ADGRG3: variants seen among roughly 807,000 people sequenced by gnomAD.
ADGRG3 encodes the protein G protein-coupled receptor 97.
In ADGRG3, 39 loss-of-function variants were observed where a neutral mutation model predicts 54.3. The observed-to-expected ratio is 0.72, with a 90% CI of 0.56 to 0.94. ADGRG3 has a LOEUF of 0.94. Ranked by LOEUF, ADGRG3 falls within the 40% of genes least tolerant of loss-of-function variation. ADGRG3 has a pLI of 0.00. For synonymous variants in ADGRG3, 312 were observed against 290.0 expected, an observed-to-expected ratio of 1.08 and a Z score of -0.77; for missense variants, 654 against 694.6, an observed-to-expected ratio of 0.94 and a Z score of 0.66.
At chr16:57,678,911 G>A (rs2048313098) in intron 4 of ADGRG3, 1 of 529,788 alleles carries the variant, frequency 1.9e-6, no homozygotes, top group South Asian at 2.3e-5. Context: ...CTAGTTAAGA[G>A]GGCAGAGGAG....
chr16:57,682,522 G>A (rs1276097451), intron 8 of ADGRG3: 5 of 985,398 alleles, frequency 5.1e-6, no homozygotes, highest in African/African-American at 3.5e-5. Context: ...CCAACAAGCC[G>A]AGTGTGACTT....
At chr16:57,675,991 A>T (rs1235087587) in intron 2 of ADGRG3, among the ~76,000 whole-genome samples, 1 of 152,260 alleles carries the variant, frequency 6.6e-6, no homozygotes, top group Non-Finnish European at 1.5e-5. Flanking sequence ...GCACAAAAAA[A>T]GACAAACACA....
chr16:57,688,641 C>T lies in ADGRG3; in HGVS notation c.*180C>T, dbSNP rs1162017189. ...GTCCCATCCAGATCCAACTATAGGT[C>T]CAAGAGTCCACGTAAGCAGGTTTGC... is the stretch of plus-strand genomic sequence containing the variant. On this transcript the variant is annotated 3_prime_UTR_variant, in exon 12 of 12. Coordinates refer to ENST00000333493, the MANE Select transcript of ADGRG3 (RefSeq NM_170776.5). 7 of 600,682 alleles carry T rather than the reference C, an allele frequency of 1.2e-5. No homozygotes were observed. In the African/African-American group the frequency reaches 1.3e-4, roughly 11 times the overall value. The allele number at this position is 600,682 out of a possible 1,614,324, so 37.2% of individuals were successfully genotyped here. A position where few individuals can be genotyped will look rare whatever the true frequency, so the allele number is the denominator to read the frequency against.
intron 4 of ADGRG3, 113 bp downstream of exon 4, chr16:57,678,429 T>C (rs2048302926): frequency 1.9e-6 from 2 of 1,054,642 alleles, no homozygotes; most frequent in Middle Eastern, 2.2e-4. Flanking sequence ...GAGCAGGCAG[T>C]GAGCCTCTTA....
intron 10 of ADGRG3, 63 bp from the exon 11 acceptor site, chr16:57,685,580 C>T (rs757403144): frequency 1.3e-5 from 19 of 1,518,660 alleles, no homozygotes; most frequent in Non-Finnish European, 1.7e-5. Flanking sequence ...AGCCAGGGGA[C>T]TTCCTGGGTT....
intron 2 of ADGRG3, 110 bp from the exon 3 acceptor site, chr16:57,676,090 C>G (rs2048257534): frequency 3.0e-6 from 3 of 1,001,288 alleles, no homozygotes. Context: ...GTCCTGATCC[C>G]AGGGTCTTTA....
intron 10 of ADGRG3, 70 bp from the exon 11 acceptor site, chr16:57,685,573 C>T (rs2048458091): frequency 6.8e-7 from 1 of 1,475,780 alleles, no homozygotes; most frequent in Admixed American, 1.7e-5. Context: ...AAAGCTCAGC[C>T]AGGGGACTTC....
At chr16:57,680,762 G>C in intron 8 of ADGRG3, 145 bp downstream of exon 8, 1 of 634,732 alleles carries the variant, frequency 1.6e-6, no homozygotes, top group South Asian at 1.8e-5. Context: ...GGGGTTGGGG[G>C]TTGAAATGTG....
rs1470005896 is a variant in ADGRG3 at position 57,680,477 on chromosome 16, G to A, written c.769-28G>A. 1.7e-5 allele frequency: 27 copies of A among 1,594,738 alleles called. No homozygotes were observed. In the African/African-American group the frequency reaches 2.7e-4, roughly 16 times the overall value. ...TATATGGGCCTGGCCTCCAACTGAC[G>A]TGGTCCCGGTTCTGGGGTCACCCAC... On this transcript the variant is annotated intron_variant, in intron 7 of 11. Transcript: ENST00000333493.
intron 6 of ADGRG3, among the ~76,000 whole-genome samples, 180 bp from the exon 7 acceptor site, chr16:57,680,085 C>T (rs1165251921): frequency 2.0e-5 from 2 of 98,310 alleles, no homozygotes; most frequent in Non-Finnish European, 4.3e-5. Context: ...TGTTCCCCTC[C>T]CCTCCCCTCC....
At position 57,688,418 on chromosome 16, in the gene ADGRG3, C is replaced by T; in HGVS notation, c.1607C>T (p.Ser536Phe). Reference sequence around the variant, plus strand: ...AGTCAGAGCACCACAGTCTCCTCCTCTACTGCAAGATTGGACCAGGCCCAC... The same window carrying T: ...AGTCAGAGCACCACAGTCTCCTCCTTTACTGCAAGATTGGACCAGGCCCAC... ...LPSQSTTVSSSTARLDQAHSA... is the reference protein window; with the variant it reads ...LPSQSTTVSSFTARLDQAHSA... Residue 536 changes from serine to phenylalanine, a missense_variant, in exon 12 of 12, where the codon TCT (serine) becomes TTT (phenylalanine). Coordinates refer to ENST00000333493, the MANE Select transcript of ADGRG3 (RefSeq NM_170776.5). 1 of 1,613,210 alleles carries T rather than the reference C, an allele frequency of 6.2e-7. No homozygotes were observed. Among genetic ancestry groups the T allele is most frequent in the Non-Finnish European group, 8.5e-7 (1 of 1,179,156 alleles).
In ADGRG3 at chr16:57,684,984, A is replaced by C. The variant is rs556201549; in HGVS notation, c.1256+501A>C. Among the ~76,000 whole-genome samples, 7 of 152,310 alleles carry C rather than the reference A, an allele frequency of 4.6e-5. No individual in the cohort carries two copies. The East Asian group carries it at 9.6e-4, about 21-fold the overall frequency. On this transcript the variant is annotated intron_variant, in intron 10 of 11. Coordinates refer to ENST00000333493, the MANE Select transcript of ADGRG3 (RefSeq NM_170776.5). ...GATCTTGGCAGGCCCGATCTCTCCCAGGGCCTCAGTCTCCTCATCTGCACC... is the reference window on the plus strand; with the variant it reads ...GATCTTGGCAGGCCCGATCTCTCCCCGGGCCTCAGTCTCCTCATCTGCACC...
In ADGRG3 at chr16:57,680,587, C is replaced by T; in HGVS notation, c.851C>T (p.Ala284Val). 6.2e-7 allele frequency: 1 copy of T among 1,613,306 alleles called. No homozygotes were observed. The highest frequency in any genetic ancestry group is 8.5e-7 in the Non-Finnish European group (1 of 1,179,322). ...TGTGGGGTCTCCATGATCTTCCTGG[C>T]CTTCACCATTATTCTTTATGCCTTT... ...AGCGVSMIFL[A>V]FTIILYAFLR... Residue 284 changes from alanine to valine, a missense_variant, in exon 8 of 12, where the codon GCC (alanine) becomes GTC (valine). Coordinates refer to ENST00000333493, the MANE Select transcript of ADGRG3 (RefSeq NM_170776.5).
intron 1 of ADGRG3, among the ~76,000 whole-genome samples, chr16:57,670,478 C>T (rs1202026856): frequency 6.6e-6 from 1 of 151,852 alleles, no homozygotes; most frequent in Non-Finnish European, 1.5e-5. Flanking sequence ...ACAATGTTAT[C>T]TCCCCTCCTC....
chr16:57,685,842 G>T lies in ADGRG3; in HGVS notation c.1456G>T (p.Val486Leu). The T allele has an allele frequency of 6.2e-7, 1 of 1,614,174 alleles. No homozygotes were observed. Among genetic ancestry groups the T allele is most frequent in the Non-Finnish European group, 8.5e-7 (1 of 1,180,024 alleles). The stretch of plus-strand genomic sequence containing the variant: ...CACCCTGCTGGGCCTCTCGAGCCTG[G>T]TGGGTGTGACATGGGGGTTGGCCAT... ...VLTLLGLSSL[V>L]GVTWGLAIFT... is the part of the protein sequence containing the mutation. The change falls in exon 11 of 12, where the codon GTG becomes TTG. Residue 486 changes from valine to leucine, a missense_variant. Val to Leu is a conservative substitution (Grantham distance 32). Coordinates refer to ENST00000333493, the MANE Select transcript of ADGRG3 (RefSeq NM_170776.5).
In ADGRG3 at chr16:57,688,785, A is replaced by G. The variant is rs996269752; in HGVS notation, c.*324A>G. 1.7e-5 allele frequency: 4 copies of G among 240,056 alleles called. No individual in the cohort carries two copies. The highest frequency in any genetic ancestry group is 7.3e-5 in the South Asian group (1 of 13,648). The allele number at this position is 240,056 out of a possible 1,614,324, so 14.9% of individuals were successfully genotyped here. ...CCTTCTGGTCTCAGCAAGGGAGGAG[A>G]GTCTGTTGCTGGCATAGCCCTGGAA... On this transcript the variant is annotated 3_prime_UTR_variant, in exon 12 of 12. Transcript: ENST00000333493.
intron 6 of ADGRG3, 114 bp downstream of exon 6, chr16:57,679,969 C>T: frequency 1.2e-6 from 1 of 800,840 alleles, no homozygotes; most frequent in South Asian, 1.4e-5. Context: ...CTCTCCCCTC[C>T]CCTCCCCTCC....
At chr16:57,686,617 G>A (rs1209949052) in intron 11 of ADGRG3, 1 of 152,306 alleles carries the variant, frequency 6.6e-6, no homozygotes, top group African/African-American at 2.4e-5. Flanking sequence ...CTCTCACCTA[G>A]TGTCTGTGGA....
chr16:57,666,397 G>A (rs776435453), upstream of ADGRG3, among the ~76,000 whole-genome samples: 3 of 152,216 alleles, frequency 2.0e-5, no homozygotes, highest in Admixed American at 6.5e-5. Flanking sequence ...CTTTTACCCC[G>A]ATGGTTATTA....
Sources: gnomAD v4.1 joint callset for allele counts (sites outside exome capture counted in the v4.1 genomes callset) on GRCh38, gnomAD v4.1.1 for gene constraint, MANE v1.5 for transcripts, NCBI Gene and HGNC (gene_info 2026-07-23, HGNC 2026-07-21) for gene names.